The following STAM variants were observed in gnomAD, a reference collection of about 807,000 sequenced individuals.
STAM encodes the protein signal transducing adaptor molecule.
A neutral mutation model predicts 63.4 loss-of-function variants in STAM; 16 were observed. The ratio of observed to expected loss-of-function variants is 0.25; its 90% confidence interval spans 0.17 to 0.38. The LOEUF (loss-of-function observed/expected upper bound fraction) is 0.38. Among genes scored for constraint, STAM ranks in the 10% least tolerant of loss-of-function variants. The pLI is 1.00. For missense variants in STAM, 636 were observed against 657.1 expected (o/e 0.97, Z 0.35); for synonymous variants, 238 against 223.9 (o/e 1.06, Z -0.56).
At chr10:17,644,407 T>G (rs1188593447) in intron 1 of STAM, 28 bp downstream of exon 1, 1 of 1,613,320 alleles carries the variant, frequency 6.2e-7, no homozygotes, top group East Asian at 2.2e-5. Flanking sequence ...TCCCTGCCCA[T>G]TCCTCACCGG....
intron 12 of STAM, among the ~76,000 whole-genome samples, chr10:17,707,014 A>G (rs1438557752): frequency 2.6e-5 from 4 of 152,208 alleles, no homozygotes; most frequent in African/African-American, 9.6e-5. Flanking sequence ...AATGCATGCA[A>G]TGCAGTGTAG....
chr10:17,675,428 C>T (rs932585301), intron 2 of STAM, among the ~76,000 whole-genome samples: 36 of 150,904 alleles, frequency 2.4e-4, no homozygotes, highest in East Asian at 1.2e-3. Context: ...TGCTTGAACC[C>T]GGGAAGTGGA....
intron 12 of STAM, among the ~76,000 whole-genome samples, chr10:17,708,329 T>G (rs1836392531): frequency 1.3e-5 from 2 of 152,230 alleles, no homozygotes; most frequent in Non-Finnish European, 2.9e-5. Context: ...GACCCCTGCT[T>G]TAGAAAGTTA....
intron 6 of STAM, among the ~76,000 whole-genome samples, chr10:17,693,560 A>G (rs1554827080): frequency 6.6e-6 from 1 of 152,150 alleles, no homozygotes; most frequent in Admixed American, 6.6e-5. Context: ...TTTTGTGTCT[A>G]ACAAATTTGT....
chr10:17,708,693 G>T, intron 12 of STAM, 83 bp from the exon 13 acceptor site: 15 of 1,312,170 alleles, frequency 1.1e-5, no homozygotes, highest in East Asian at 2.5e-5. Flanking sequence ...TCTTGTTTTT[G>T]TAACTGAATA....
At chr10:17,653,128 C>G (rs1362979816) in intron 1 of STAM, among the ~76,000 whole-genome samples, 1 of 152,136 alleles carries the variant, frequency 6.6e-6, no homozygotes, top group Non-Finnish European at 1.5e-5. Context: ...GGCTTTGAGT[C>G]ATAGGACCTC....
At position 17,708,769 on chromosome 10, in the gene STAM, A is replaced by G. The variant is rs935484446; in HGVS notation, c.1210-7A>G. On this transcript the variant is annotated splice_region_variant and splice_polypyrimidine_tract_variant and intron_variant, in intron 12 of 13. Coordinates refer to ENST00000377524, the MANE Select transcript of STAM (RefSeq NM_003473.4). Reference sequence around the variant, plus strand: ...AATTGAATATGATTTCTCTTTAACCATCGCAGGTGTATGCAGGGCCTCCTC... The same window carrying G: ...AATTGAATATGATTTCTCTTTAACCGTCGCAGGTGTATGCAGGGCCTCCTC... 6.3e-7 allele frequency: 1 copy of G among 1,597,636 alleles called. No individual in the cohort carries two copies. Among genetic ancestry groups the G allele is most frequent in the Non-Finnish European group, 8.6e-7 (1 of 1,169,026 alleles).
At chr10:17,654,235 A>ATTG in intron 1 of STAM, among the ~76,000 whole-genome samples, 1 of 151,758 alleles carries the variant, frequency 6.6e-6, no homozygotes, top group African/African-American at 2.4e-5. Flanking sequence ...TATTATTATT[A>ATTG]TTTTTGAGAC....
At chr10:17,668,088 A>C (rs1554823656) in intron 2 of STAM, among the ~76,000 whole-genome samples, 1 of 152,242 alleles carries the variant, frequency 6.6e-6, no homozygotes, top group Non-Finnish European at 1.5e-5. Flanking sequence ...TGAAAAGCCA[A>C]AGTGTTGAAA....
chr10:17,699,107 CAGT>C (rs1835882714), intron 8 of STAM, among the ~76,000 whole-genome samples: 1 of 152,112 alleles, frequency 6.6e-6, no homozygotes. Context: ...GGCCAGATTT[CAGT>C]AGTATGGGCT....
chr10:17,659,071 A>T (rs1362291705), intron 1 of STAM, among the ~76,000 whole-genome samples: 3 of 150,918 alleles, frequency 2.0e-5, no homozygotes, highest in African/African-American at 4.9e-5. Flanking sequence ...GCATGATTCC[A>T]TTTTATCTCC....
At chr10:17,698,004 C>T (rs1210126862) in intron 8 of STAM, among the ~76,000 whole-genome samples, 1 of 152,022 alleles carries the variant, frequency 6.6e-6, no homozygotes, top group Non-Finnish European at 1.5e-5. Flanking sequence ...ATAATACATA[C>T]TACATATTTA....
intron 9 of STAM, 86 bp from the exon 10 acceptor site, chr10:17,704,345 A>T (rs1836155307): frequency 8.3e-7 from 1 of 1,197,706 alleles, no homozygotes; most frequent in South Asian, 1.3e-5. Context: ...ATGAATTTCA[A>T]AAGTTTGTCT....
chr10:17,716,200 C>G lies in STAM; in HGVS notation c.*1420C>G, dbSNP rs1721823103. On this transcript the variant is annotated 3_prime_UTR_variant, in exon 14 of 14. Coordinates refer to ENST00000377524, the MANE Select transcript of STAM (RefSeq NM_003473.4). ...CATCATATTTAATGAATTGATGTAA[C>G]AGGTTTCATACTATAAATGAAAATT... 6.6e-6 allele frequency among the ~76,000 whole-genome samples: 1 copy of G among 152,186 alleles called. No individual in the cohort carries two copies. Among genetic ancestry groups the G allele is most frequent in the South Asian group, 2.1e-4 (1 of 4,824 alleles).
chr10:17,696,747 G>C (rs782500226), intron 7 of STAM, 28 bp from the exon 8 acceptor site: 1 of 1,463,730 alleles, frequency 6.8e-7, no homozygotes, highest in African/African-American at 1.4e-5. Flanking sequence ...ATTTGTTATG[G>C]TAAAGCATTG....
chr10:17,662,377 A>G (rs1554822988), intron 2 of STAM, among the ~76,000 whole-genome samples: 2 of 152,146 alleles, frequency 1.3e-5, no homozygotes, highest in African/African-American at 4.8e-5. Flanking sequence ...GACCCAATGT[A>G]GATACCACTT....
At chr10:17,699,480 T>C (rs1319842992) in intron 8 of STAM, among the ~76,000 whole-genome samples, 1 of 152,234 alleles carries the variant, frequency 6.6e-6, no homozygotes, top group Non-Finnish European at 1.5e-5. Flanking sequence ...GCTACTGTTA[T>C]GTTAAATTGT....
intron 7 of STAM, chr10:17,695,790 T>C (rs1694795572): frequency 6.6e-6 from 1 of 152,300 alleles, no homozygotes; most frequent in South Asian, 2.1e-4. Flanking sequence ...CAGGTGTTTT[T>C]TAAAAATCAG....
In STAM at chr10:17,678,415, GC is replaced by G. The variant is rs1834943230; in HGVS notation, c.126-6259del. ...GATGGGGTACATGCCACTGTGCCTG[GC>G]TAAGTTTTTGTATTTGTAGTAGAGA... is the stretch of plus-strand genomic sequence containing the variant. On this transcript the variant is annotated intron_variant, in intron 2 of 13. Transcript: ENST00000377524. 3.9e-5 allele frequency among the ~76,000 whole-genome samples: 6 copies of G among 152,074 alleles called. No homozygotes were observed. In the South Asian group the frequency reaches 1.2e-3, roughly 32 times the overall value.
Sources: allele counts gnomAD v4.1 joint callset (sites outside exome capture counted in the v4.1 genomes callset), GRCh38; gene constraint gnomAD v4.1.1; transcripts MANE v1.5; gene names NCBI Gene and HGNC (gene_info 2026-07-23, HGNC 2026-07-21).